The following EFCAB3 variants were observed in gnomAD, a reference collection of about 807,000 sequenced individuals.
EFCAB3 encodes EF-hand calcium binding domain 3.
In EFCAB3, 36 loss-of-function variants were observed where a neutral mutation model predicts 42.2. The observed-to-expected ratio is 0.85, with a 90% CI of 0.65 to 1.13. The LOEUF (loss-of-function observed/expected upper bound fraction) is 1.13. EFCAB3 is among the 50% of genes most tolerant of loss of function. The pLI is 0.00. For synonymous variants in EFCAB3, 170 were observed against 172.8 expected (o/e 0.98, Z 0.13); for missense variants, 418 against 505.1 (o/e 0.83, Z 1.65).
rs534443560 is a variant in EFCAB3 at position 62,382,487 on chromosome 17, T to G, written c.-17-476T>G. The stretch of plus-strand genomic sequence containing the variant: ...TCTCTTAGCAAATTTCAGGTATACA[T>G]TACAGTAGTATTATTACCTGTAGTC... On this transcript the variant is annotated intron_variant, in intron 1 of 9. Coordinates refer to ENST00000305286, the MANE Select transcript of EFCAB3 (RefSeq NM_173503.4). Among the ~76,000 whole-genome samples the G allele has an allele frequency of 3.3e-5, 5 of 152,256 alleles. No individual in the cohort carries two copies. The East Asian group carries it at 7.7e-4, about 23-fold the overall frequency.
intron 2 of EFCAB3, among the ~76,000 whole-genome samples, chr17:62,375,027 T>C (rs1436913743): frequency 1.3e-5 from 2 of 152,148 alleles, no homozygotes; most frequent in Non-Finnish European, 2.9e-5. Context: ...GGTCGGAGAA[T>C]TGCTCGAGCC....
intron 2 of EFCAB3, chr17:62,373,957 T>C (rs747998461): frequency 6.6e-5 from 42 of 632,336 alleles, no homozygotes; most frequent in Non-Finnish European, 1.0e-4. Flanking sequence ...AAAAGTAATA[T>C]ATGTTCATTA....
chr17:62,393,491 G>A (rs1286589193), intron 4 of EFCAB3, 82 bp from the exon 5 acceptor site: 2 of 1,086,534 alleles, frequency 1.8e-6, no homozygotes, highest in African/African-American at 1.6e-5. Flanking sequence ...CATCCAGAGT[G>A]TTTTAATTTT....
chr17:62,406,957 C>G, intron 7 of EFCAB3, 71 bp from the exon 8 acceptor site: 2 of 1,484,036 alleles, frequency 1.3e-6, no homozygotes, highest in Non-Finnish European at 1.8e-6. Context: ...AAACAGGCAC[C>G]ACATGCTGGT....
At chr17:62,393,505 A>G in intron 4 of EFCAB3, 68 bp from the exon 5 acceptor site, 1 of 1,225,396 alleles carries the variant, frequency 8.2e-7, no homozygotes. Context: ...TAATTTTTAT[A>G]TTTAATATAT....
chr17:62,375,105 C>A (rs1310572289), intron 2 of EFCAB3, among the ~76,000 whole-genome samples: 1 of 151,936 alleles, frequency 6.6e-6, no homozygotes, highest in Non-Finnish European at 1.5e-5. Context: ...TAGAGTGAGA[C>A]CTTGTCTGTA....
upstream of EFCAB3, chr17:62,378,089 C>A: frequency 7.9e-7 from 1 of 1,266,708 alleles, no homozygotes; most frequent in Non-Finnish European, 1.1e-6. Flanking sequence ...TTTTTTAATA[C>A]CTTAGTTACT....
chr17:62,415,130 A>C (rs184515752), intron 9 of EFCAB3, among the ~76,000 whole-genome samples: 1 of 151,454 alleles, frequency 6.6e-6, no homozygotes, highest in Admixed American at 6.6e-5. Flanking sequence ...AAAAAAAAAC[A>C]AAAAAACCAC....
Position 62,391,920 on chromosome 17 carries a change from A to T in EFCAB3, c.250A>T (p.Thr84Ser), listed in dbSNP as rs369453812. The change falls in exon 4 of 10, where the codon ACC becomes TCC. Residue 84 changes from threonine (T) to serine (S), a missense_variant. Thr to Ser is a moderately conservative substitution (Grantham distance 58). Coordinates refer to ENST00000305286, the MANE Select transcript of EFCAB3 (RefSeq NM_173503.4). The part of the protein sequence containing the change: ...CTVAKLGMNL[T>S]KHDVYNELKC... ...TGTAGCTAAGCTGGGAATGAATCTG[A>T]CCAAGCATGATGTCTATAATGAATT... 1.2e-6 allele frequency: 2 copies of T among 1,613,168 alleles called. No homozygotes were observed. Among genetic ancestry groups the T allele is most frequent in the Non-Finnish European group, 1.7e-6 (2 of 1,179,470 alleles).
intron 6 of EFCAB3, among the ~76,000 whole-genome samples, chr17:62,395,721 T>C (rs1430521834): frequency 6.6e-6 from 1 of 152,224 alleles, no homozygotes; most frequent in African/African-American, 2.4e-5. Flanking sequence ...ATTCTCATCC[T>C]TTAAATAAAT....
rs1555573749 is a variant in EFCAB3, at chr17:62,415,128, A to ACAC, written c.991-873_991-872insCCA. 2.5e-4 allele frequency among the ~76,000 whole-genome samples: 38 copies of ACAC among 151,500 alleles called. 1 individual carries two copies. Among genetic ancestry groups the ACAC allele is most frequent in the East Asian group, 1.2e-3 (6 of 5,116 alleles). On this transcript the variant is annotated intron_variant, in intron 9 of 9. Transcript: ENST00000305286. ...CAAAAACAAAAAAAAACAAAAAAAA[A>ACAC]CAAAAAAACCACATTTTTCAAATCT...
chr17:62,385,917 C>T (rs904874766), intron 2 of EFCAB3, among the ~76,000 whole-genome samples: 8 of 149,500 alleles, frequency 5.4e-5, no homozygotes, highest in Non-Finnish European at 8.9e-5. Context: ...TTAGTAGAGG[C>T]GGGGTTTCAC....
At chr17:62,406,304 G>T (rs1220231709) in intron 6 of EFCAB3, among the ~76,000 whole-genome samples, 176 bp from the exon 7 acceptor site, 1 of 152,148 alleles carries the variant, frequency 6.6e-6, no homozygotes, top group Non-Finnish European at 1.5e-5. Flanking sequence ...CCTGTGGAAG[G>T]TATCAGTAAA....
intron 5 of EFCAB3, among the ~76,000 whole-genome samples, chr17:62,394,348 C>T (rs1942973917): frequency 6.6e-6 from 1 of 152,124 alleles, no homozygotes; most frequent in Non-Finnish European, 1.5e-5. Context: ...GAAAAATGTA[C>T]TCTCTCATGT....
intron 1 of EFCAB3, chr17:62,381,929 C>A (rs567139021): frequency 6.1e-6 from 2 of 326,646 alleles, no homozygotes; most frequent in South Asian, 5.6e-5. Context: ...CTGGTTCCAC[C>A]CCCGCTGCAG....
chr17:62,370,500 C>CA (rs879471712), intron 1 of EFCAB3, among the ~76,000 whole-genome samples: 8 of 151,902 alleles, frequency 5.3e-5, no homozygotes, highest in Non-Finnish European at 7.4e-5. Context: ...ACTAAAACTA[C>CA]AAAAAATTAA....
intron 6 of EFCAB3, chr17:62,397,257 A>C (rs2070358015): frequency 4.4e-6 from 1 of 225,926 alleles, no homozygotes; most frequent in Non-Finnish European, 8.7e-6. Context: ...ATAGTATTTA[A>C]CATATAAATG....
upstream of EFCAB3, among the ~76,000 whole-genome samples, chr17:62,378,883 C>A (rs942803273): frequency 6.6e-6 from 1 of 150,434 alleles, no homozygotes; most frequent in Admixed American, 6.6e-5. Context: ...TATAACAAAC[C>A]TGCACGTTCT....
At chr17:62,404,720 C>T (rs2070434124) in intron 6 of EFCAB3, among the ~76,000 whole-genome samples, 1 of 152,012 alleles carries the variant, frequency 6.6e-6, no homozygotes, top group African/African-American at 2.4e-5. Context: ...CGTTTGAACC[C>T]AGGAGGTGGA....
Sources: gnomAD v4.1 joint callset for allele counts (sites outside exome capture counted in the v4.1 genomes callset) on GRCh38, gnomAD v4.1.1 for gene constraint, MANE v1.5 for transcripts, NCBI Gene and HGNC (gene_info 2026-07-23, HGNC 2026-07-21) for gene names.